Variants in MAP1S observed in about 807,000 individuals in gnomAD.
MAP1S encodes the protein microtubule-associated protein 1S.
Under a neutral mutation model 60.9 loss-of-function variants are expected in MAP1S, and 27 were observed. That is an observed-to-expected ratio of 0.44 (90% CI 0.33 to 0.61). The LOEUF (loss-of-function observed/expected upper bound fraction) is 0.61. Ranked by LOEUF, MAP1S falls within the 20% of genes least tolerant of loss-of-function variation. The pLI is 0.03. For missense variants in MAP1S, 1,608 were observed against 1,486.6 expected (o/e 1.08, Z -1.34); for synonymous variants, 826 against 694.2 (o/e 1.19, Z -2.98).
chr19:17,725,782 G>T lies in MAP1S; in HGVS notation c.445-47G>T, dbSNP rs1017822023. On this transcript the variant is annotated intron_variant, in intron 4 of 6. Coordinates refer to ENST00000324096, the MANE Select transcript of MAP1S (RefSeq NM_018174.6). The surrounding 1 kb of genome is among the most constrained non-coding windows in gnomAD (Gnocchi z 4.2). ...TCGCCCAGTTTTCCCACCGGGCTAG[G>T]TGTTGCCTGGCTCTAGGTGGTCCCT... is the stretch of plus-strand genomic sequence containing the variant. 75 of 1,558,982 alleles carry T rather than the reference G, an allele frequency of 4.8e-5. No individual in the cohort carries two copies. Among genetic ancestry groups the T allele is most frequent in the Non-Finnish European group, 6.3e-5 (73 of 1,149,950 alleles).
rs750374447 is a variant in MAP1S, at chr19:17,726,273, A to G, written c.889A>G (p.Ser297Gly). ...AVLVTHPGAD[S>G]LPGLNSLLRR... ...GCTGGTGACCCACCCTGGCGCCGACAGCCTCCCCGGCCTCAACAGCCTGCT... is the reference window on the plus strand; with the variant it reads ...GCTGGTGACCCACCCTGGCGCCGACGGCCTCCCCGGCCTCAACAGCCTGCT... The change falls in exon 5 of 7, where the codon AGC (serine) becomes GGC (glycine). Residue 297 changes from serine to glycine, a missense_variant. By Grantham distance (56) the Ser-to-Gly change is moderately conservative. Around this residue, in one of 4 missense-constraint regions of MAP1S, gnomAD observed 320 missense variants for 393.1 expected, o/e 0.81. Transcript: ENST00000324096. 6.2e-7 allele frequency: 1 copy of G among 1,606,868 alleles called. No individual in the cohort carries two copies. Among genetic ancestry groups the G allele is most frequent in the South Asian group, 1.1e-5 (1 of 89,988 alleles).
In MAP1S at chr19:17,733,254, C is replaced by T. The variant is rs1255415338; in HGVS notation, c.2850C>T (p.Asp950=). The T allele has an allele frequency of 1.9e-6, 3 of 1,556,468 alleles. No individual in the cohort carries two copies. The African/African-American group carries it at 4.1e-5, about 21-fold the overall frequency. Residue 950 remains aspartate (D), a synonymous_variant, in exon 6 of 7, where the codon GAC becomes GAT. Transcript: ENST00000324096. ...CACCCAAGTCCCCGGTCTACCTGGA[C>T]CTGGCCTACCTGCCCAGCGGGAGCA... is the stretch of plus-strand genomic sequence containing the variant. ...ATPPKSPVYL[D]LAYLPSGSSA...
rs1334543510 is a variant in MAP1S at position 17,734,440 on chromosome 19, A to G, written c.*12A>G. 5 of 1,599,244 alleles carry G rather than the reference A, an allele frequency of 3.1e-6. No homozygotes were observed. The African/African-American group carries it at 5.4e-5, about 17-fold the overall frequency. On this transcript the variant is annotated 3_prime_UTR_variant, in exon 7 of 7. Coordinates refer to ENST00000324096, the MANE Select transcript of MAP1S (RefSeq NM_018174.6). ...AGGTGGAGTTCTAGCCCCATCGCCG[A>G]CACGCCCCCCACTCAGCCCAGCCCG...
At chr19:17,729,613 C>T (rs1463094810) in intron 5 of MAP1S, among the ~76,000 whole-genome samples, 1 of 152,098 alleles carries the variant, frequency 6.6e-6, no homozygotes, top group Non-Finnish European at 1.5e-5. Flanking sequence ...TCAAGCAACC[C>T]TCCCACCTCA....
At chr19:17,721,126 C>T in intron 2 of MAP1S, 89 bp downstream of exon 2, 2 of 991,592 alleles carry the variant, frequency 2.0e-6, no homozygotes, top group Non-Finnish European at 3.3e-6. Flanking sequence ...TGGGATGCAG[C>T]TATAAATAAC....
Position 17,727,071 on chromosome 19 carries a change from C to T in MAP1S, c.1687C>T (p.Arg563Cys). The T allele has an allele frequency of 1.9e-6, 3 of 1,606,702 alleles. No individual in the cohort carries two copies. The highest frequency in any genetic ancestry group is 2.2e-5 in the East Asian group (1 of 44,684). The change falls in exon 5 of 7, where the codon CGC becomes TGC. Residue 563 changes from arginine to cysteine, a missense_variant. Coordinates refer to ENST00000324096, the MANE Select transcript of MAP1S (RefSeq NM_018174.6). The surrounding 1 kb of genome is among the most constrained non-coding windows in gnomAD (Gnocchi z 4.1). ...GAATGCCCAGGCGGCACCCAAGCCC[C>T]GCAAAGCGCCCAGCACGTCCCACTC... ...KTNAQAAPKP[R>C]KAPSTSHSGF... is the part of the protein sequence containing the mutation.
intron 5 of MAP1S, chr19:17,729,021 A>G (rs12974051): frequency 0.21 from 31,212 of 152,216 alleles, 4,161 homozygotes; most frequent in Non-Finnish European, 0.29. Flanking sequence ...AGAAGCCACA[A>G]TAAGTAAAAT....
chr19:17,723,850 G>GA (rs1568290499), intron 2 of MAP1S, among the ~76,000 whole-genome samples: 2 of 152,050 alleles, frequency 1.3e-5, no homozygotes, highest in African/African-American at 4.8e-5. Context: ...GCGAGACTCC[G>GA]TCTCACAAAA....
In MAP1S at chr19:17,726,419, G is replaced by A. The variant is rs774416297; in HGVS notation, c.1035G>A (p.Ala345=). 5.4e-5 allele frequency: 84 copies of A among 1,569,996 alleles called. 1 individual carries two copies. The Middle Eastern group carries it at 1.0e-3, about 19-fold the overall frequency. ...TGTTCTTCAACGCCTGCGAGGCCGC[G>A]TCGCGGCTGGCGCGCGGCGAGGATG... The part of the protein sequence containing the change: ...GVVFFNACEA[A]SRLARGEDEA... Residue 345 remains alanine (A), a synonymous_variant, in exon 5 of 7, where the codon GCG becomes GCA. Transcript: ENST00000324096.
Position 17,727,498 on chromosome 19 carries a change from T to C in MAP1S, c.2114T>C (p.Val705Ala). ...TCCCTGTCGGTGTCCTTTGAGCAGG[T>C]GCTGCCGCCATCCGCCCCCACCAGT... is the stretch of plus-strand genomic sequence containing the variant. ...DESLSVSFEQ[V>A]LPPSAPTSEA... is the part of the protein sequence containing the mutation. The change falls in exon 5 of 7, where the codon GTG (valine) becomes GCG (alanine). Residue 705 changes from valine (V) to alanine (A), a missense_variant. Around this residue, in one of 4 missense-constraint regions of MAP1S, gnomAD observed 1,167 missense variants for 961.4 expected, o/e 1.21. Transcript: ENST00000324096. The surrounding 1 kb of genome is among the most constrained non-coding windows in gnomAD (Gnocchi z 4.1). 1 of 1,610,974 alleles carries C rather than the reference T, an allele frequency of 6.2e-7. No individual in the cohort carries two copies. The highest frequency in any genetic ancestry group is 1.3e-5 in the African/African-American group (1 of 75,008).
chr19:17,723,676 C>T (rs2080391082), intron 2 of MAP1S, among the ~76,000 whole-genome samples: 3 of 152,276 alleles, frequency 2.0e-5, no homozygotes, highest in East Asian at 3.9e-4. Context: ...CGGTGAAACC[C>T]TGTCTCTACT....
intron 1 of MAP1S, chr19:17,720,256 T>C: frequency 7.1e-7 from 1 of 1,399,380 alleles, no homozygotes. Flanking sequence ...TCATCCCCCA[T>C]CCCTCGGAGC....
intron 2 of MAP1S, 83 bp from the exon 3 acceptor site, chr19:17,724,043 T>TG: frequency 5.0e-6 from 5 of 994,982 alleles, no homozygotes; most frequent in Non-Finnish European, 7.9e-6. Flanking sequence ...GATCCCTGGG[T>TG]GGGTTCCCAG....
chr19:17,726,566 C>T lies in MAP1S; in HGVS notation c.1182C>T (p.Asp394=), dbSNP rs1287544497. Residue 394 remains aspartate (D), a synonymous_variant, in exon 5 of 7, where the codon GAC becomes GAT. Transcript: ENST00000324096. ...AGAAGATGGGCGTGGGCCGGCTGGA[C>T]ATGTATGTGCTGCACCCGCCCTCCG... The part of the protein sequence containing the change: ...LFEKMGVGRL[D]MYVLHPPSAG... 10 of 1,574,584 alleles carry T rather than the reference C, an allele frequency of 6.4e-6. No homozygotes were observed. In the East Asian group the frequency reaches 9.2e-5, roughly 15 times the overall value.
chr19:17,733,521 A>C, intron 6 of MAP1S, 93 bp downstream of exon 6: 4 of 1,057,568 alleles, frequency 3.8e-6, no homozygotes, highest in Non-Finnish European at 4.0e-6. Flanking sequence ...TGTGTTCCCC[A>C]GGCCACACGG....
intron 2 of MAP1S, among the ~76,000 whole-genome samples, chr19:17,722,147 C>A (rs1260081956): frequency 6.6e-6 from 1 of 152,130 alleles, no homozygotes; most frequent in African/African-American, 2.4e-5. Context: ...GGCAATATCC[C>A]TGTGTGGCAA....
intron 5 of MAP1S, among the ~76,000 whole-genome samples, chr19:17,729,482 G>A (rs1259424086): frequency 1.3e-5 from 2 of 152,190 alleles, no homozygotes; most frequent in Non-Finnish European, 2.9e-5. Flanking sequence ...CTTGCTGAGA[G>A]GAGGGTCTCT....
At position 17,734,375 on chromosome 19, in the gene MAP1S, A is replaced by T; in HGVS notation, c.3127A>T (p.Ser1043Cys). ...GGGCATCACGGTGTTGGGCAGCAAC[A>T]GCATGGTGTCCATGCAGGATGACGC... ...ALGITVLGSN[S>C]MVSMQDDAFP... is the part of the protein sequence containing the mutation. The change falls in exon 7 of 7, where the codon AGC becomes TGC. Residue 1043 changes from serine (S) to cysteine (C), a missense_variant. Physicochemically the swap from Ser to Cys is moderately radical, Grantham distance 112 (BLOSUM62 -1). This residue lies in a region of MAP1S where 76 missense variants were observed against 110.1 expected (regional missense o/e 0.69). Coordinates refer to ENST00000324096, the MANE Select transcript of MAP1S (RefSeq NM_018174.6). 6.2e-7 allele frequency: 1 copy of T among 1,613,672 alleles called. No individual in the cohort carries two copies. Among genetic ancestry groups the T allele is most frequent in the Non-Finnish European group, 8.5e-7 (1 of 1,179,956 alleles).
Position 17,728,169 on chromosome 19 carries a change from T to G in MAP1S, c.2785T>G (p.Ser929Ala), listed in dbSNP as rs766945886. 1.3e-5 allele frequency: 20 copies of G among 1,586,050 alleles called. No homozygotes were observed. In the East Asian group the frequency reaches 3.8e-4, roughly 30 times the overall value. ...STPKTATRGP[S>A]GSASSRPGVS... ...CCCCAAGACTGCCACTCGAGGCCCG[T>G]CGGGTGAGTACTGGAGCTGGGGCCC... The change falls in exon 5 of 7, where the codon TCG (serine) becomes GCG (alanine). Residue 929 changes from serine to alanine, a missense_variant. Ser to Ala is a moderately conservative substitution (Grantham distance 99, BLOSUM62 1). Around this residue, in one of 4 missense-constraint regions of MAP1S, gnomAD observed 1,167 missense variants for 961.4 expected, o/e 1.21. Coordinates refer to ENST00000324096, the MANE Select transcript of MAP1S (RefSeq NM_018174.6).
Sources: gnomAD v4.1 joint callset for allele counts (sites outside exome capture counted in the v4.1 genomes callset) on GRCh38, gnomAD v4.1.1 for gene constraint, gnomAD v4.1.1 regional missense constraint, Gnocchi (gnomAD v3.1) non-coding constraint, MANE v1.5 for transcripts, NCBI Gene and HGNC (gene_info 2026-07-23, HGNC 2026-07-21) for gene names.